The following PRPF4 variants were observed in gnomAD, a reference collection of about 807,000 sequenced individuals.
PRPF4 encodes the protein pre-mRNA splicing tri-snRNP complex factor PRPF4.
A neutral mutation model predicts 72.2 loss-of-function variants in PRPF4; 14 were observed. That is an observed-to-expected ratio of 0.19 (90% CI 0.13 to 0.30). The LOEUF (loss-of-function observed/expected upper bound fraction) is 0.30, where lower values mean the gene tolerates loss of function less well. Among genes scored for constraint, PRPF4 ranks in the 10% least tolerant of loss-of-function variants. The pLI is 1.00. For missense variants in PRPF4, 478 were observed against 653.9 expected (o/e 0.73, Z 2.93); for synonymous variants, 225 against 232.2 (o/e 0.97, Z 0.28).
At chr9:113,276,922 C>T (rs576268653) in intron 2 of PRPF4, among the ~76,000 whole-genome samples, 197 bp downstream of exon 2, 34 of 152,092 alleles carry the variant, frequency 2.2e-4, no homozygotes, top group African/African-American at 8.2e-4. Flanking sequence ...TCAAGCAGTT[C>T]TCCTGCTTCA....
chr9:113,281,244 C>G (rs1196844340), intron 3 of PRPF4, among the ~76,000 whole-genome samples: 1 of 152,204 alleles, frequency 6.6e-6, no homozygotes, highest in Non-Finnish European at 1.5e-5. Context: ...TTCAAAGAAG[C>G]CTTTCGTCAC....
At chr9:113,284,424 A>G (rs767344996) in intron 7 of PRPF4, 35 bp downstream of exon 7, 1 of 1,528,910 alleles carries the variant, frequency 6.5e-7, no homozygotes, top group Non-Finnish European at 9.1e-7. Flanking sequence ...TTTTTCCTAA[A>G]TGGGGAACAG....
In PRPF4 at chr9:113,286,700, T is replaced by A; in HGVS notation, c.809-5T>A. On this transcript the variant is annotated splice_polypyrimidine_tract_variant and splice_region_variant and intron_variant, in intron 8 of 13. Transcript: ENST00000374198. Reference sequence around the variant, plus strand: ...TTTTAACTTGCATCTCTTACACTCCTTTAGGGCATAACACAAATGTAGGAG... The same window carrying A: ...TTTTAACTTGCATCTCTTACACTCCATTAGGGCATAACACAAATGTAGGAG... 4.3e-6 allele frequency: 7 copies of A among 1,614,188 alleles called. No homozygotes were observed. The highest frequency in any genetic ancestry group is 5.9e-6 in the Non-Finnish European group (7 of 1,180,016).
At chr9:113,290,413 G>A in intron 10 of PRPF4, 53 bp from the exon 11 acceptor site, 1 of 1,611,814 alleles carries the variant, frequency 6.2e-7, no homozygotes, top group Non-Finnish European at 8.5e-7. Context: ...TTTATGTGTT[G>A]TAGAAACTGA....
At chr9:113,284,086 A>G (rs1033225439) in intron 6 of PRPF4, among the ~76,000 whole-genome samples, 13 of 149,088 alleles carry the variant, frequency 8.7e-5, no homozygotes, top group Non-Finnish European at 1.6e-4. Flanking sequence ...AAAAAAAAAA[A>G]GACTATAGAA....
intron 1 of PRPF4, 54 bp from the exon 2 acceptor site, chr9:113,276,494 C>A: frequency 6.3e-7 from 1 of 1,592,746 alleles, no homozygotes; most frequent in Non-Finnish European, 8.6e-7. Flanking sequence ...CTGGTGAAGT[C>A]CGGTAAATTG....
At chr9:113,288,731 C>T (rs1832524755) in intron 10 of PRPF4, among the ~76,000 whole-genome samples, 1 of 152,200 alleles carries the variant, frequency 6.6e-6, no homozygotes, top group East Asian at 1.9e-4. Context: ...GGTAACGCGC[C>T]CAGCCATATT....
intron 2 of PRPF4, among the ~76,000 whole-genome samples, chr9:113,278,078 G>A (rs868459429): frequency 4.6e-5 from 7 of 152,286 alleles, no homozygotes; most frequent in Middle Eastern, 3.4e-3. Flanking sequence ...ATCTTTCTGA[G>A]AATTTTAATA....
At position 113,284,844 on chromosome 9, in the gene PRPF4, C is replaced by T. The variant is rs118021040; in HGVS notation, c.749+455C>T. Reference sequence around the variant, plus strand: ...TGGTATGTAGTAAGGACTCGTTAAACGTTAATTATTGGTTTATCTTTGTTT... The same window carrying T: ...TGGTATGTAGTAAGGACTCGTTAAATGTTAATTATTGGTTTATCTTTGTTT... On this transcript the variant is annotated intron_variant, in intron 7 of 13. Transcript: ENST00000374198. Among the ~76,000 whole-genome samples the T allele has an allele frequency of 2.6e-3, 390 of 152,272 alleles. 7 individuals are homozygous for T. The East Asian group carries it at 0.045, about 17-fold the overall frequency.
chr9:113,281,700 G>T (rs1258654588), intron 3 of PRPF4, among the ~76,000 whole-genome samples: 1 of 151,978 alleles, frequency 6.6e-6, no homozygotes, highest in East Asian at 1.9e-4. Flanking sequence ...GGCCTTATTT[G>T]TTTAACCCTC....
Position 113,285,778 on chromosome 9 carries a change from T to C in PRPF4, c.750-454T>C, listed in dbSNP as rs146575769. Among the ~76,000 whole-genome samples the C allele has an allele frequency of 5.9e-3, 891 of 152,116 alleles. 14 individuals carry two copies. Among genetic ancestry groups the C allele is most frequent in the Non-Finnish European group, 6.2e-3 (424 of 67,998 alleles). On this transcript the variant is annotated intron_variant, in intron 7 of 13. Coordinates refer to ENST00000374198, the MANE Select transcript of PRPF4 (RefSeq NM_001244926.2). ...CTACTCAGGAGGCTGGGTGATAGAATTGCTTGAGCCTGGGAGGTTGAGGCT... is the reference window on the plus strand; with the variant it reads ...CTACTCAGGAGGCTGGGTGATAGAACTGCTTGAGCCTGGGAGGTTGAGGCT...
intron 11 of PRPF4, 49 bp downstream of exon 11, chr9:113,290,637 T>TA (rs1258158237): frequency 5.6e-6 from 9 of 1,614,014 alleles, no homozygotes; most frequent in Non-Finnish European, 7.6e-6. Flanking sequence ...TCTCACCTCT[T>TA]ACCTATACCT....
rs1031981136 is a variant in PRPF4 at position 113,288,281 on chromosome 9, T to C, written c.1022+17T>C. 9.3e-6 allele frequency: 15 copies of C among 1,611,888 alleles called. No individual in the cohort carries two copies. The highest frequency in any genetic ancestry group is 6.7e-5 in the Admixed American group (4 of 59,962). ...CACCACCTGGTGAGCCATCCTGTTA[T>C]TGTTTTATCCATATAGGCCTGTAGC... On this transcript the variant is annotated intron_variant, in intron 10 of 13. Transcript: ENST00000374198.
intron 4 of PRPF4, 66 bp downstream of exon 4, chr9:113,282,799 C>CA: frequency 1.5e-6 from 2 of 1,332,224 alleles, no homozygotes; most frequent in Non-Finnish European, 2.1e-6. Context: ...CTCTCGTTTT[C>CA]TGCTTTCAAT....
Position 113,290,964 on chromosome 9 carries a change from C to T in PRPF4, c.1320C>T (p.Cys440=), listed in dbSNP as rs540901799. ...TGTGGGACCTCCGACAGCGGCGTTG[C>T]GTCTACACCATCCCTGCTCATCAGA... The part of the protein sequence containing the change: ...CKVWDLRQRR[C]VYTIPAHQNL... Residue 440 remains cysteine, a synonymous_variant, in exon 13 of 14, where the codon TGC becomes TGT. Transcript: ENST00000374198. The T allele has an allele frequency of 1.1e-5, 17 of 1,614,162 alleles. No homozygotes were observed. The highest frequency in any genetic ancestry group is 8.8e-5 in the South Asian group (8 of 91,074).
chr9:113,277,382 C>CT (rs1024297259), intron 2 of PRPF4, among the ~76,000 whole-genome samples: 2 of 148,314 alleles, frequency 1.3e-5, no homozygotes, highest in Non-Finnish European at 3.0e-5. Flanking sequence ...AAAGTGAAAT[C>CT]TTTTTGTGTG....
Position 113,275,667 on chromosome 9 carries a change from C to T in PRPF4, c.-77C>T, listed in dbSNP as rs1039028284. 9.7e-6 allele frequency: 15 copies of T among 1,539,930 alleles called. No individual in the cohort carries two copies. The highest frequency in any genetic ancestry group is 5.5e-5 in the African/African-American group (4 of 72,664). On this transcript the variant is annotated 5_prime_UTR_variant, in exon 1 of 14. Coordinates refer to ENST00000374198, the MANE Select transcript of PRPF4 (RefSeq NM_001244926.2). ...ACTTCCTGTCAGTGACGCACTTCCC[C>T]TCTGCTGGGCGCGCGGTGGACGGTC...
chr9:113,283,895 C>G (rs1411528930), intron 6 of PRPF4, among the ~76,000 whole-genome samples: 1 of 151,990 alleles, frequency 6.6e-6, no homozygotes, highest in Non-Finnish European at 1.5e-5. Flanking sequence ...TGGTGAAACC[C>G]TGTCTCTACT....
chr9:113,285,714 C>A (rs1832428828), intron 7 of PRPF4, among the ~76,000 whole-genome samples: 1 of 151,666 alleles, frequency 6.6e-6, no homozygotes, highest in South Asian at 2.1e-4. Context: ...TTTTTTAAAA[C>A]GTTAGCCAGG....
Sources: allele counts gnomAD v4.1 joint callset (sites outside exome capture counted in the v4.1 genomes callset), GRCh38; gene constraint gnomAD v4.1.1; transcripts MANE v1.5; gene names NCBI Gene and HGNC (gene_info 2026-07-23, HGNC 2026-07-21).